LSM14A: variants seen among roughly 807,000 people sequenced by gnomAD.
LSM14A encodes the protein LSM14A mRNA processing body assembly factor, also known as protein LSM14 homolog A.
LSM14A carries 14 observed loss-of-function variants against 52.4 expected under a neutral mutation model. The observed-to-expected ratio is 0.27, with a 90% CI of 0.18 to 0.42. The LOEUF (loss-of-function observed/expected upper bound fraction) is 0.42. LSM14A is among the 10% of genes least tolerant of loss of function. The pLI, the probability that LSM14A is intolerant of heterozygous loss-of-function variation, is 1.00. For missense variants in LSM14A, 417 were observed against 581.8 expected, an observed-to-expected ratio of 0.72 and a Z score of 2.91; for synonymous variants, 185 against 200.3, an observed-to-expected ratio of 0.92 and a Z score of 0.64.
At chr19:34,211,971 CATG>C (rs778232166) in intron 4 of LSM14A, among the ~76,000 whole-genome samples, 9 of 151,852 alleles carry the variant, frequency 5.9e-5, no homozygotes, top group Non-Finnish European at 1.2e-4. Flanking sequence ...GGTTTACTGA[CATG>C]ATAATAAAAT....
At chr19:34,224,849 C>G (rs2073257895) in intron 9 of LSM14A, among the ~76,000 whole-genome samples, 1 of 152,108 alleles carries the variant, frequency 6.6e-6, no homozygotes, top group African/African-American at 2.4e-5. Context: ...CGATGTAGGC[C>G]CAGCCCTTTT....
At chr19:34,221,190 C>G (rs563380492) in intron 8 of LSM14A, among the ~76,000 whole-genome samples, 3 of 149,346 alleles carry the variant, frequency 2.0e-5, no homozygotes, top group African/African-American at 7.4e-5. Flanking sequence ...TCAGGTGATT[C>G]TCCTGCCTCA....
At chr19:34,190,609 A>G (rs2070297071) in intron 1 of LSM14A, among the ~76,000 whole-genome samples, 1 of 151,084 alleles carries the variant, frequency 6.6e-6, no homozygotes, top group African/African-American at 2.4e-5. Flanking sequence ...TTTAGATACT[A>G]CTACTGTCTG....
At chr19:34,200,075 C>T (rs547108178) in intron 3 of LSM14A, among the ~76,000 whole-genome samples, 7 of 152,266 alleles carry the variant, frequency 4.6e-5, no homozygotes, top group East Asian at 1.9e-4. Context: ...GGGGGCAAAA[C>T]ATAATATCAC....
chr19:34,173,644 T>C (rs2068873579), intron 1 of LSM14A, among the ~76,000 whole-genome samples: 1 of 152,158 alleles, frequency 6.6e-6, no homozygotes, highest in Non-Finnish European at 1.5e-5. Context: ...GGGCCTTTGC[T>C]CCGCCAGGAA....
At chr19:34,213,273 C>G (rs2072307409) in intron 4 of LSM14A, among the ~76,000 whole-genome samples, 1 of 152,132 alleles carries the variant, frequency 6.6e-6, no homozygotes, top group African/African-American at 2.4e-5. Flanking sequence ...TGTAATGCTT[C>G]TATTAGTGGT....
intron 9 of LSM14A, among the ~76,000 whole-genome samples, chr19:34,226,049 G>A (rs1440134907): frequency 6.6e-6 from 1 of 151,532 alleles, no homozygotes; most frequent in East Asian, 1.9e-4. Context: ...GTGACAGAGC[G>A]AGGCCTGTCT....
chr19:34,191,108 A>G (rs10500271), intron 1 of LSM14A, among the ~76,000 whole-genome samples: 20,568 of 152,008 alleles, frequency 0.14, 1,708 homozygotes, highest in Middle Eastern at 0.25. Context: ...ACCTTTTCTC[A>G]AAATTATTCT....
intron 1 of LSM14A, among the ~76,000 whole-genome samples, chr19:34,183,466 G>A (rs1274128894): frequency 5.3e-5 from 8 of 152,046 alleles, no homozygotes; most frequent in East Asian, 1.9e-4. Context: ...CAGGAGAATC[G>A]CTTGAACCCA....
rs1568506782 is a variant in LSM14A, at chr19:34,227,787, A to AG, written c.*401dup. ...GTGATACTGTGTTTTGAGCCACAGA[A>AG]GGTTGTGTGTGTGTGTGTGTGTGTG... On this transcript the variant is annotated 3_prime_UTR_variant, in exon 10 of 10. Transcript: ENST00000544216. 9 of 139,146 alleles carry AG rather than the reference A, an allele frequency of 6.5e-5. No homozygotes were observed. The highest frequency in any genetic ancestry group is 1.7e-4 in the Admixed American group (2 of 11,474). The allele number at this position is 139,146 out of a possible 1,614,324, so 8.6% of individuals were successfully genotyped here.
At chr19:34,172,853 C>T (rs2068798922) in intron 1 of LSM14A, 90 bp downstream of exon 1, 3 of 1,403,716 alleles carry the variant, frequency 2.1e-6, no homozygotes, top group Admixed American at 3.6e-5. Context: ...TCGTTCCCTC[C>T]CCTCCCTCCG....
rs1452421564 is a variant in LSM14A, at chr19:34,228,632, TTTGATA to T, written c.*1247_*1252del. 1 of 152,656 alleles carries T rather than the reference TTTGATA, an allele frequency of 6.6e-6. No individual in the cohort carries two copies. The allele number at this position is 152,656 out of a possible 1,614,324, so 9.5% of individuals were successfully genotyped here. A position where few individuals can be genotyped will look rare whatever the true frequency, so the allele number is the denominator to read the frequency against. On this transcript the variant is annotated 3_prime_UTR_variant, in exon 10 of 10. Transcript: ENST00000544216. ...TAATTATAAATTACTAGTGAATCTT[TTTGATA>T]TTTTAAGCTCTAGTGGGAAAAATCT...
intron 1 of LSM14A, among the ~76,000 whole-genome samples, chr19:34,174,763 A>G (rs2068964558): frequency 6.6e-6 from 1 of 152,212 alleles, no homozygotes; most frequent in Non-Finnish European, 1.5e-5. Flanking sequence ...TGAGAGCCAG[A>G]TATGGGTTGA....
At chr19:34,212,351 ATTAT>A (rs1488078864) in intron 4 of LSM14A, among the ~76,000 whole-genome samples, 1 of 152,168 alleles carries the variant, frequency 6.6e-6, no homozygotes, top group Non-Finnish European at 1.5e-5. Context: ...TGATAAAGGT[ATTAT>A]TTTAAATTAG....
At chr19:34,226,404 TC>T in intron 9 of LSM14A, 4 of 1,466,314 alleles carry the variant, frequency 2.7e-6, no homozygotes, top group Non-Finnish European at 3.6e-6. Context: ...TTTTTACCTT[TC>T]AGAAAACCAC....
rs71165632 is a variant in LSM14A at position 34,192,319 on chromosome 19, G to GTTTTTTTTTTTTTTTTTTTTTTTTTTTT, written c.122-2136_122-2135insTTTTTTTTTTTTTTTTTTTTTTTTTTTT. On this transcript the variant is annotated intron_variant, in intron 1 of 9. Transcript: ENST00000544216. ...ACACTGAAATAACATTCTTTTTGTT[G>GTTTTTTTTTTTTTTTTTTTTTTTTTTTT]TTTTTTTTTTTTTTTTTTTTTTTGG... 3.6e-4 allele frequency among the ~76,000 whole-genome samples: 19 copies of GTTTTTTTTTTTTTTTTTTTTTTTTTTTT among 53,410 alleles called. 3 individuals carry two copies. The highest frequency in any genetic ancestry group is 1.2e-3 in the Admixed American group (4 of 3,470). 35.0% of individuals were successfully genotyped at this position (53,410 alleles called of 152,430 possible). A position where few individuals can be genotyped will look rare whatever the true frequency, so the allele number is the denominator to read the frequency against.
intron 1 of LSM14A, 59 bp downstream of exon 1, chr19:34,172,822 C>G: frequency 2.7e-6 from 4 of 1,483,972 alleles, no homozygotes; most frequent in Non-Finnish European, 3.6e-6. Context: ...GGGCTGCTCC[C>G]CGCTCCGGCC....
chr19:34,196,345 T>G (rs1285662203), intron 2 of LSM14A, among the ~76,000 whole-genome samples: 2 of 152,186 alleles, frequency 1.3e-5, no homozygotes, highest in African/African-American at 2.4e-5. Context: ...TTACTTTACT[T>G]AAGTAACTTT....
At chr19:34,174,240 C>A (rs1045173273) in intron 1 of LSM14A, among the ~76,000 whole-genome samples, 3 of 152,214 alleles carry the variant, frequency 2.0e-5, no homozygotes, top group African/African-American at 7.2e-5. Context: ...TGAGCCACCG[C>A]GCCCAGCCTC....
Sources: allele counts gnomAD v4.1 joint callset (sites outside exome capture counted in the v4.1 genomes callset), GRCh38; gene constraint gnomAD v4.1.1; transcripts MANE v1.5; gene names NCBI Gene and HGNC (gene_info 2026-07-23, HGNC 2026-07-21).